The following ARHGAP26 variants were observed in gnomAD, a reference collection of about 807,000 sequenced individuals.
ARHGAP26 encodes rho GTPase-activating protein 26.
Under a neutral mutation model 104.8 loss-of-function variants are expected in ARHGAP26, and 38 were observed. That is an observed-to-expected ratio of 0.36 (90% CI 0.28 to 0.48). The LOEUF (loss-of-function observed/expected upper bound fraction) is 0.48. ARHGAP26 is among the 20% of genes least tolerant of loss of function. The probability of loss-of-function intolerance (pLI) is 0.99; values close to 1 mark genes in which losing one functional copy is unlikely to be tolerated. For synonymous variants in ARHGAP26, 341 were observed against 340.0 expected (o/e 1.00, Z -0.03); for missense variants, 704 against 947.9 (o/e 0.74, Z 3.38).
rs1017343292 is a variant in ARHGAP26, at chr5:143,226,706, G to A, written c.*4260G>A. 6 of 216,294 alleles carry A rather than the reference G, an allele frequency of 2.8e-5. No individual in the cohort carries two copies. Among genetic ancestry groups the A allele is most frequent in the Admixed American group, 1.2e-4 (2 of 17,168 alleles). The allele number at this position is 216,294 out of a possible 1,614,324, so 13.4% of individuals were successfully genotyped here. On this transcript the variant is annotated 3_prime_UTR_variant, in exon 23 of 23. Transcript: ENST00000645722. ...AGCTTAATGTCTGAAGTATTTATAC[G>A]GCCAATATGTGTTTTCTTATGTCAG...
intron 20 of ARHGAP26, among the ~76,000 whole-genome samples, chr5:143,159,197 C>T (rs973652263): frequency 6.6e-6 from 1 of 152,188 alleles, no homozygotes; most frequent in African/African-American, 2.4e-5. Context: ...AATGCCTTGG[C>T]CGTCTCCTTC....
At chr5:142,869,184 C>CTTTTCT (rs1554133962) in intron 1 of ARHGAP26, among the ~76,000 whole-genome samples, 16 of 128,626 alleles carry the variant, frequency 1.2e-4, no homozygotes, top group Admixed American at 6.8e-4. Flanking sequence ...ACTTTCTTTT[C>CTTTTCT]TTTTCTTTTT....
rs559884593 is a variant in ARHGAP26 at position 143,027,509 on chromosome 5, A to G, written c.1145-9687A>G. 6.0e-5 allele frequency among the ~76,000 whole-genome samples: 9 copies of G among 150,984 alleles called. No homozygotes were observed. The South Asian group carries it at 1.3e-3, about 22-fold the overall frequency. ...GACTTTTTAAATATATACATATACTACTTTTATTATTAATTTGCTTACTGG... is the reference window on the plus strand; with the variant it reads ...GACTTTTTAAATATATACATATACTGCTTTTATTATTAATTTGCTTACTGG... On this transcript the variant is annotated intron_variant, in intron 12 of 22. Transcript: ENST00000645722.
At chr5:143,186,787 G>T (rs2151223431) in intron 20 of ARHGAP26, among the ~76,000 whole-genome samples, 1 of 152,312 alleles carries the variant, frequency 6.6e-6, no homozygotes, top group East Asian at 1.9e-4. Flanking sequence ...CACAGTGACA[G>T]GGCTGTGCTA....
intron 11 of ARHGAP26, among the ~76,000 whole-genome samples, chr5:142,976,169 G>A (rs564507417): frequency 2.0e-5 from 3 of 152,204 alleles, no homozygotes; most frequent in African/African-American, 7.2e-5. Flanking sequence ...TTCATTGGAA[G>A]CTCTTTCCCA....
chr5:142,925,939 G>A (rs1198617107), intron 10 of ARHGAP26, among the ~76,000 whole-genome samples: 1 of 152,172 alleles, frequency 6.6e-6, no homozygotes, highest in East Asian at 1.9e-4. Flanking sequence ...TGTTTCAGTG[G>A]GGTGGAGTTA....
intron 5 of ARHGAP26, among the ~76,000 whole-genome samples, chr5:142,890,154 AT>A (rs1562024008): frequency 1.3e-3 from 60 of 46,182 alleles, no homozygotes; most frequent in African/African-American, 2.7e-3. Flanking sequence ...AAAAAAAAAT[AT>A]ATATATATAT....
chr5:143,207,065 G>T (rs1808678037), intron 20 of ARHGAP26, 133 bp from the exon 21 acceptor site: 10 of 1,038,006 alleles, frequency 9.6e-6, no homozygotes, highest in Non-Finnish European at 1.4e-5. Flanking sequence ...ACATGGCCCT[G>T]ACAGCACATC....
intron 20 of ARHGAP26, among the ~76,000 whole-genome samples, chr5:143,167,118 A>G (rs1802070911): frequency 6.6e-6 from 1 of 152,098 alleles, no homozygotes; most frequent in Non-Finnish European, 1.5e-5. Flanking sequence ...AGTAAATTGC[A>G]TTTGATATAT....
Position 143,222,384 on chromosome 5 carries a change from T to C in ARHGAP26, c.2218T>C (p.Leu740=). The stretch of plus-strand genomic sequence containing the variant: ...TCACCCATCTCAGGAGCCTGGCTGG[T>C]TGGAGGGGACTCTGAACGGAAAGAC... ...NVHPSQEPGW[L]EGTLNGKTGL... The change falls in exon 23 of 23, where the codon TTG becomes CTG. Residue 740 remains leucine (L), a synonymous_variant. Coordinates refer to ENST00000645722, the MANE Select transcript of ARHGAP26 (RefSeq NM_001135608.3). 6.2e-7 allele frequency: 1 copy of C among 1,605,598 alleles called. No homozygotes were observed. Among genetic ancestry groups the C allele is most frequent in the South Asian group, 1.1e-5 (1 of 90,026 alleles).
intron 20 of ARHGAP26, among the ~76,000 whole-genome samples, chr5:143,185,011 G>A (rs150458468): frequency 6.6e-6 from 1 of 152,154 alleles, no homozygotes; most frequent in Non-Finnish European, 1.5e-5. Context: ...TTTTACCCCT[G>A]TATTATTTAC....
chr5:143,012,562 T>TATATATATATAC (rs1217850873), intron 11 of ARHGAP26, among the ~76,000 whole-genome samples: 4 of 78,574 alleles, frequency 5.1e-5, no homozygotes, highest in Admixed American at 4.7e-4. Context: ...CATATATATA[T>TATATATATATAC]ATATATATAT....
At chr5:143,057,000 T>C (rs930032137) in intron 16 of ARHGAP26, among the ~76,000 whole-genome samples, 2 of 152,192 alleles carry the variant, frequency 1.3e-5, no homozygotes, top group Non-Finnish European at 2.9e-5. Flanking sequence ...GTTCTATAAA[T>C]AGGTGTGATG....
chr5:143,007,151 C>T (rs553208339), intron 11 of ARHGAP26, among the ~76,000 whole-genome samples: 3 of 147,484 alleles, frequency 2.0e-5, no homozygotes, highest in African/African-American at 7.5e-5. Flanking sequence ...GCCGAGATCG[C>T]ACCACTGCAC....
At chr5:143,125,039 G>A (rs1796565817) in intron 18 of ARHGAP26, among the ~76,000 whole-genome samples, 1 of 152,126 alleles carries the variant, frequency 6.6e-6, no homozygotes, top group Non-Finnish European at 1.5e-5. Flanking sequence ...AATGCCCTTT[G>A]TGAGCCTTGG....
chr5:143,105,531 G>T (rs1424582174), intron 17 of ARHGAP26, among the ~76,000 whole-genome samples: 2 of 152,172 alleles, frequency 1.3e-5, no homozygotes, highest in African/African-American at 4.8e-5. Flanking sequence ...TCTTCTGTGT[G>T]TGGGAATCAT....
intron 17 of ARHGAP26, among the ~76,000 whole-genome samples, chr5:143,090,105 G>T (rs996914360): frequency 6.6e-6 from 1 of 152,236 alleles, no homozygotes; most frequent in Admixed American, 6.5e-5. Context: ...CCTCCCTGTC[G>T]TGAACTTAGT....
chr5:143,178,386 C>T (rs2151172770), intron 20 of ARHGAP26, among the ~76,000 whole-genome samples: 1 of 152,294 alleles, frequency 6.6e-6, no homozygotes, highest in East Asian at 1.9e-4. Context: ...AATCAGTACC[C>T]AGAAGAAGGA....
intron 1 of ARHGAP26, among the ~76,000 whole-genome samples, chr5:142,857,330 C>G (rs572664129): frequency 2.0e-5 from 3 of 152,138 alleles, no homozygotes; most frequent in Non-Finnish European, 4.4e-5. Context: ...TAGGAGGCTT[C>G]CTCCAAGTCT....
Sources: allele counts gnomAD v4.1 joint callset (sites outside exome capture counted in the v4.1 genomes callset), GRCh38; gene constraint gnomAD v4.1.1; transcripts MANE v1.5; gene names NCBI Gene and HGNC (gene_info 2026-07-23, HGNC 2026-07-21).